The following DEPDC5 variants were observed in gnomAD, a reference collection of about 807,000 sequenced individuals.
DEPDC5 encodes DEP domain containing 5, GATOR1 subcomplex subunit.
DEPDC5 carries 73 observed loss-of-function variants against 217.3 expected under a neutral mutation model. The observed-to-expected ratio is 0.34, with a 90% CI of 0.28 to 0.41. DEPDC5 has a LOEUF of 0.41. Ranked by LOEUF, DEPDC5 falls within the 10% of genes least tolerant of loss-of-function variation. The probability of loss-of-function intolerance (pLI) is 1.00; values close to 1 mark genes in which losing one functional copy is unlikely to be tolerated. For missense variants in DEPDC5, 1,675 were observed against 2,070.1 expected (o/e 0.81, Z 3.70); for synonymous variants, 733 against 756.7 (o/e 0.97, Z 0.51).
chr22:31,873,921 T>C (rs1414915199), intron 35 of DEPDC5: 1 of 268,830 alleles, frequency 3.7e-6, no homozygotes, highest in Non-Finnish European at 7.1e-6. Flanking sequence ...GCTTCCTGAC[T>C]AGCTGGGATT....
chr22:31,802,561 A>T, intron 14 of DEPDC5, 143 bp from the exon 15 acceptor site: 1 of 922,976 alleles, frequency 1.1e-6, no homozygotes, highest in South Asian at 2.3e-5. Context: ...GAAAAGACAG[A>T]TGCGTATACA....
chr22:31,761,535 C>T (rs144687596), intron 4 of DEPDC5, among the ~76,000 whole-genome samples: 2,075 of 151,752 alleles, frequency 0.014, 16 homozygotes, highest in Middle Eastern at 0.031. Context: ...TGTAAAGTGA[C>T]GCTTATAGTC....
intron 22 of DEPDC5, among the ~76,000 whole-genome samples, chr22:31,821,211 G>A (rs1187552501): frequency 2.6e-5 from 4 of 152,216 alleles, no homozygotes; most frequent in African/African-American, 9.6e-5. Flanking sequence ...AAGGGGCCAT[G>A]CCTCCTATAC....
Position 31,843,112 on chromosome 22 carries a change from C to T in DEPDC5, c.2533C>T (p.Arg845Cys), listed in dbSNP as rs780652126. 8.7e-6 allele frequency: 14 copies of T among 1,613,088 alleles called. No homozygotes were observed. Among genetic ancestry groups the T allele is most frequent in the South Asian group, 5.5e-5 (5 of 90,788 alleles). Residue 845 changes from arginine to cysteine, a missense_variant, in exon 28 of 43, where the codon CGC becomes TGC. Arg to Cys is a radical substitution (Grantham distance 180). Transcript: ENST00000651528. ...LYSRGLVSRN[R>C]PEEEDQYWLS... ...TCTGTTAGGCCTTGTGTCCCGAAAC[C>T]GCCCTGAGGAGGAGGACCAGTATTG...
chr22:31,797,802 C>T lies in DEPDC5; in HGVS notation c.871+99C>T, dbSNP rs1271980698. The T allele has an allele frequency of 8.8e-6, 8 of 904,118 alleles. No individual in the cohort carries two copies. In the South Asian group the frequency reaches 1.1e-4, roughly 13 times the overall value. The allele number at this position is 904,118 out of a possible 1,614,324, so 56.0% of individuals were successfully genotyped here. Reference sequence around the variant, plus strand: ...TGTGTGCTTGTTTCTCTCCCATTGCCGTGTGTAGTTTCTGCTTTTGGTCAG... The same window carrying T: ...TGTGTGCTTGTTTCTCTCCCATTGCTGTGTGTAGTTTCTGCTTTTGGTCAG... On this transcript the variant is annotated intron_variant, in intron 13 of 42. Transcript: ENST00000651528.
chr22:31,782,090 A>G (rs1226697174), intron 8 of DEPDC5, among the ~76,000 whole-genome samples: 2 of 152,088 alleles, frequency 1.3e-5, no homozygotes, highest in Admixed American at 6.6e-5. Flanking sequence ...TTATTATGAT[A>G]ACATTTAGAC....
At chr22:31,811,059 G>A (rs1280554524) in intron 20 of DEPDC5, among the ~76,000 whole-genome samples, 1 of 152,026 alleles carries the variant, frequency 6.6e-6, no homozygotes, top group African/African-American at 2.4e-5. Context: ...AGAGGCGTGA[G>A]CCACTGTGCC....
rs1602677357 is a variant in DEPDC5 at position 31,879,551 on chromosome 22, T to C, written c.3832T>C (p.Trp1278Arg). 1 of 1,611,994 alleles carries C rather than the reference T, an allele frequency of 6.2e-7. No individual in the cohort carries two copies. Among genetic ancestry groups the C allele is most frequent in the South Asian group, 1.1e-5 (1 of 91,080 alleles). ...RVAMQQPATT[W>R]HTAGVDDFAS... The stretch of plus-strand genomic sequence containing the variant: ...GGCCATGCAGCAGCCCGCCACCACC[T>C]GGCACACAGCAGGAGTGGACGACTT... The change falls in exon 38 of 43, where the codon TGG (tryptophan) becomes CGG (arginine). Residue 1278 changes from tryptophan to arginine, a missense_variant. Trp to Arg is a moderately radical substitution (Grantham distance 101). Transcript: ENST00000651528.
At chr22:31,869,051 G>A (rs969725701) in intron 33 of DEPDC5, among the ~76,000 whole-genome samples, 4 of 151,892 alleles carry the variant, frequency 2.6e-5, no homozygotes, top group Non-Finnish European at 5.9e-5. Context: ...GAGATCAGCC[G>A]AGGCAACATA....
rs139324636 is a variant in DEPDC5 at position 31,817,835 on chromosome 22, A to C, written c.1667-1187A>C. On this transcript the variant is annotated intron_variant, in intron 21 of 42. Coordinates refer to ENST00000651528, the MANE Select transcript of DEPDC5 (RefSeq NM_001242896.3). ...TAGGTTTTTCTCTTTTATTTCCTTA[A>C]TAACTAACTAGACTATGTTCTTTTT... is the stretch of plus-strand genomic sequence containing the variant. Among the ~76,000 whole-genome samples the C allele has an allele frequency of 5.8e-3, 888 of 152,128 alleles. 3 individuals carry two copies. The highest frequency in any genetic ancestry group is 9.7e-3 in the Non-Finnish European group (660 of 67,984).
intron 27 of DEPDC5, among the ~76,000 whole-genome samples, chr22:31,841,750 G>A (rs1317433321): frequency 6.6e-6 from 1 of 152,210 alleles, no homozygotes; most frequent in African/African-American, 2.4e-5. Flanking sequence ...CAGAAAAAGC[G>A]GAGAGTGGTT....
chr22:31,859,250 C>T (rs2092425960), intron 32 of DEPDC5, among the ~76,000 whole-genome samples: 1 of 151,530 alleles, frequency 6.6e-6, no homozygotes, highest in South Asian at 2.1e-4. Flanking sequence ...GCCACCACGC[C>T]CAGCTAATTT....
intron 23 of DEPDC5, among the ~76,000 whole-genome samples, 158 bp downstream of exon 23, chr22:31,821,795 A>G (rs998301565): frequency 3.9e-5 from 6 of 152,190 alleles, no homozygotes; most frequent in African/African-American, 1.4e-4. Context: ...CATTCCCTTC[A>G]GTTGGTGAAG....
intron 37 of DEPDC5, among the ~76,000 whole-genome samples, chr22:31,877,605 C>T (rs2093037204): frequency 6.6e-6 from 1 of 150,826 alleles, no homozygotes; most frequent in Non-Finnish European, 1.5e-5. Flanking sequence ...CAAAAAATAG[C>T]TGGGCATGGT....
chr22:31,897,617 T>C lies in DEPDC5; in HGVS notation c.4339T>C (p.Cys1447Arg). 6.2e-7 allele frequency: 1 copy of C among 1,614,080 alleles called. No individual in the cohort carries two copies. Among genetic ancestry groups the C allele is most frequent in the South Asian group, 1.1e-5 (1 of 91,076 alleles). Residue 1447 changes from cysteine to arginine, a missense_variant, in exon 40 of 43, where the codon TGC becomes CGC. By Grantham distance (180) the Cys-to-Arg change is radical. Coordinates refer to ENST00000651528, the MANE Select transcript of DEPDC5 (RefSeq NM_001242896.3). ...AQLFIPLNIS[C>R]LLKEGSEHLF... ...GCTCTTCATCCCACTCAACATCAGC[T>C]GCTTGCTCAAGGAGGGCAGCGAGCA... is the stretch of plus-strand genomic sequence containing the variant.
chr22:31,793,788 C>T (rs1049154769), intron 12 of DEPDC5, among the ~76,000 whole-genome samples: 4 of 152,102 alleles, frequency 2.6e-5, no homozygotes, highest in South Asian at 2.1e-4. Context: ...CCAGCCTGGT[C>T]TCAAATCCTG....
intron 27 of DEPDC5, 92 bp from the exon 28 acceptor site, chr22:31,843,003 C>T (rs1195334986): frequency 1.1e-6 from 1 of 915,964 alleles, no homozygotes; most frequent in Non-Finnish European, 1.6e-6. Context: ...GAAAGTGTTA[C>T]ATTGTTTTCT....
intron 8 of DEPDC5, among the ~76,000 whole-genome samples, chr22:31,778,530 C>G (rs1338484208): frequency 1.3e-5 from 2 of 152,176 alleles, no homozygotes; most frequent in Non-Finnish European, 2.9e-5. Context: ...ATCTGCTAAG[C>G]TCTTGACAGC....
intron 33 of DEPDC5, among the ~76,000 whole-genome samples, chr22:31,867,470 T>A (rs2092719529): frequency 6.6e-6 from 1 of 152,242 alleles, no homozygotes; most frequent in African/African-American, 2.4e-5. Flanking sequence ...TTTCCTGGTA[T>A]TAGGATCTAA....
Sources: gnomAD v4.1 joint callset for allele counts (sites outside exome capture counted in the v4.1 genomes callset) on GRCh38, gnomAD v4.1.1 for gene constraint, MANE v1.5 for transcripts, NCBI Gene and HGNC (gene_info 2026-07-23, HGNC 2026-07-21) for gene names.